The following PYGB variants were observed in gnomAD, a reference collection of about 807,000 sequenced individuals.
PYGB encodes the protein glycogen phosphorylase B, also known as glycogen phosphorylase, brain form.
Under a neutral mutation model 94.3 loss-of-function variants are expected in PYGB, and 82 were observed. That is an observed-to-expected ratio of 0.87 (90% CI 0.73 to 1.04). The LOEUF (loss-of-function observed/expected upper bound fraction) is 1.04. Among genes scored for constraint, PYGB ranks in the 50% least tolerant of loss-of-function variants. The probability of loss-of-function intolerance (pLI) is 0.00; values close to 1 mark genes in which losing one functional copy is unlikely to be tolerated. For synonymous variants in PYGB, 488 were observed against 479.1 expected (o/e 1.02, Z -0.24); for missense variants, 1,132 against 1,158.2 (o/e 0.98, Z 0.33).
chr20:25,268,641 A>G (rs1263156403), intron 2 of PYGB, among the ~76,000 whole-genome samples: 1 of 152,210 alleles, frequency 6.6e-6, no homozygotes, highest in Admixed American at 6.5e-5. Context: ...TTAATGGAAT[A>G]TTTATCCATA....
rs2088396828 is a variant in PYGB, at chr20:25,284,218, C to T, written c.1735C>T (p.Leu579Phe). The change falls in exon 14 of 20, where the codon CTC becomes TTC. Residue 579 changes from leucine (L) to phenylalanine (F), a missense_variant. By Grantham distance (22) the Leu-to-Phe change is conservative (BLOSUM62 0). Transcript: ENST00000216962. ...KRIHEYKRQL[L>F]NCLHVVTLYN... The stretch of plus-strand genomic sequence containing the variant: ...GATCCACGAGTACAAGCGGCAGCTG[C>T]TCAACTGCCTGCACGTCGTCACCCT... 1.2e-6 allele frequency: 2 copies of T among 1,613,992 alleles called. No homozygotes were observed. Among genetic ancestry groups the T allele is most frequent in the African/African-American group, 1.3e-5 (1 of 74,938 alleles).
chr20:25,261,247 C>T (rs2092912818), intron 2 of PYGB, among the ~76,000 whole-genome samples: 1 of 152,232 alleles, frequency 6.6e-6, no homozygotes, highest in Non-Finnish European at 1.5e-5. Context: ...GGCCGACTGA[C>T]ACCTCACACA....
chr20:25,259,300 C>A lies in PYGB; in HGVS notation c.307C>A (p.Leu103Met), dbSNP rs772497104. The A allele has an allele frequency of 2.5e-6, 4 of 1,612,738 alleles. No homozygotes were observed. The highest frequency in any genetic ancestry group is 3.4e-6 in the Non-Finnish European group (4 of 1,178,680). ...GRTLQNTMVNLGLQNACDEAI... is the reference protein window; with the variant it reads ...GRTLQNTMVNMGLQNACDEAI... ...CACGCTGCAGAACACGATGGTGAACCTGGGCCTTCAGAATGCCTGCGATGA... is the reference window on the plus strand; with the variant it reads ...CACGCTGCAGAACACGATGGTGAACATGGGCCTTCAGAATGCCTGCGATGA... Residue 103 changes from leucine to methionine, a missense_variant, in exon 2 of 20, where the codon CTG becomes ATG. Leu to Met is a conservative substitution (Grantham distance 15). Coordinates refer to ENST00000216962, the MANE Select transcript of PYGB (RefSeq NM_002862.4).
chr20:25,282,502 A>G (rs1010719064), intron 12 of PYGB, among the ~76,000 whole-genome samples: 11 of 152,238 alleles, frequency 7.2e-5, no homozygotes, highest in African/African-American at 2.7e-4. Context: ...AAGCTCCCTG[A>G]GGAAATGAGT....
At chr20:25,282,243 G>A in intron 12 of PYGB, 96 bp downstream of exon 12, 1 of 1,017,276 alleles carries the variant, frequency 9.8e-7, no homozygotes, top group Non-Finnish European at 1.4e-6. Context: ...TGAGTAGGCA[G>A]GAGTCTGTCC....
chr20:25,295,752 A>G (rs1174518838), intron 19 of PYGB, 82 bp downstream of exon 19: 1 of 1,443,222 alleles, frequency 6.9e-7, no homozygotes, highest in Non-Finnish European at 9.7e-7. Flanking sequence ...TTATTTCCCA[A>G]GCTGAGTAGA....
intron 1 of PYGB, among the ~76,000 whole-genome samples, chr20:25,257,371 C>T (rs1198571070): frequency 1.3e-5 from 2 of 152,240 alleles, no homozygotes; most frequent in Non-Finnish European, 2.9e-5. Flanking sequence ...ATTGGAGACG[C>T]ACAGGCTTCG....
In PYGB at chr20:25,259,244, A is replaced by G; in HGVS notation, c.251A>G (p.Tyr84Cys). Residue 84 changes from tyrosine to cysteine, a missense_variant, in exon 2 of 20, where the codon TAT (tyrosine) becomes TGT (cysteine). Physicochemically the swap from Tyr to Cys is radical, Grantham distance 194 (BLOSUM62 -2). Coordinates refer to ENST00000216962, the MANE Select transcript of PYGB (RefSeq NM_002862.4). Reference protein sequence around the residue: ...HYYERDPKRIYYLSLEFYMGR... With the variant: ...HYYERDPKRICYLSLEFYMGR... ...TTTCTTCTGCTTCCTCAGCGCATTT[A>G]TTATCTTTCCCTGGAATTCTACATG... 1 of 1,597,898 alleles carries G rather than the reference A, an allele frequency of 6.3e-7. No homozygotes were observed. Among genetic ancestry groups the G allele is most frequent in the South Asian group, 1.1e-5 (1 of 90,702 alleles).
intron 16 of PYGB, among the ~76,000 whole-genome samples, chr20:25,291,352 T>G (rs1191543211): frequency 6.6e-6 from 1 of 152,090 alleles, no homozygotes; most frequent in Non-Finnish European, 1.5e-5. Context: ...GAGCCTGGCC[T>G]TCTCGTGCTC....
chr20:25,264,874 G>A (rs565305358), intron 2 of PYGB, among the ~76,000 whole-genome samples: 11 of 152,234 alleles, frequency 7.2e-5, no homozygotes, highest in East Asian at 1.9e-4. Flanking sequence ...TAGATTCAAC[G>A]CCATCCCCAT....
At position 25,274,607 on chromosome 20, in the gene PYGB, G is replaced by A; in HGVS notation, c.544G>A (p.Asp182Asn). The change falls in exon 5 of 20, where the codon GAC becomes AAC. Residue 182 changes from aspartate (D) to asparagine (N), a missense_variant. Coordinates refer to ENST00000216962, the MANE Select transcript of PYGB (RefSeq NM_002862.4). ...VNGWQVEEAD[D>N]WLRYGNPWEK... is the part of the protein sequence containing the mutation. ...TTCTTTCCAGGTAGAGGAGGCCGAT[G>A]ACTGGCTGCGCTACGGCAACCCCTG... 6.2e-7 allele frequency: 1 copy of A among 1,613,586 alleles called. No individual in the cohort carries two copies. Among genetic ancestry groups the A allele is most frequent in the South Asian group, 1.1e-5 (1 of 91,072 alleles).
chr20:25,286,542 C>T (rs140160239), intron 14 of PYGB, among the ~76,000 whole-genome samples: 5 of 152,286 alleles, frequency 3.3e-5, no homozygotes, highest in South Asian at 2.1e-4. Context: ...TCCATTGCTA[C>T]GTTGGTGTGA....
intron 19 of PYGB, among the ~76,000 whole-genome samples, chr20:25,296,087 G>T (rs1158870727): frequency 1.3e-5 from 2 of 152,164 alleles, no homozygotes. Flanking sequence ...TTCTTACCTG[G>T]TGCTATCCCT....
chr20:25,294,311 G>T lies in PYGB; in HGVS notation c.2312+19G>T, dbSNP rs1048243383. 1.1e-6 allele frequency: 1 copy of T among 927,556 alleles called. No individual in the cohort carries two copies. Among genetic ancestry groups the T allele is most frequent in the East Asian group, 4.6e-5 (1 of 21,812 alleles). The allele number at this position is 927,556 out of a possible 1,614,324, so 57.5% of individuals were successfully genotyped here. Reference sequence around the variant, plus strand: ...ATGACAGGTGGGACCGACTTCCCTGGTTGGGTGGCTGGGAGGGAGGGAGGG... The same window carrying T: ...ATGACAGGTGGGACCGACTTCCCTGTTTGGGTGGCTGGGAGGGAGGGAGGG... On this transcript the variant is annotated intron_variant, in intron 18 of 19. Coordinates refer to ENST00000216962, the MANE Select transcript of PYGB (RefSeq NM_002862.4).
At chr20:25,254,347 T>TTTA (rs200398540) in intron 1 of PYGB, among the ~76,000 whole-genome samples, 6 of 152,052 alleles carry the variant, frequency 3.9e-5, no homozygotes, top group African/African-American at 9.7e-5. Context: ...GATTATATCT[T>TTTA]TTATTATTAT....
At chr20:25,257,932 A>G (rs937507205) in intron 1 of PYGB, among the ~76,000 whole-genome samples, 3 of 152,192 alleles carry the variant, frequency 2.0e-5, no homozygotes, top group African/African-American at 7.2e-5. Flanking sequence ...AGTGTAAATA[A>G]AATCCAGCAT....
rs780653811 is a variant in PYGB at position 25,284,257 on chromosome 20, T to A, written c.1768+6T>A. 2 of 1,612,304 alleles carry A rather than the reference T, an allele frequency of 1.2e-6. No individual in the cohort carries two copies. The highest frequency in any genetic ancestry group is 2.2e-5 in the South Asian group (2 of 90,848). On this transcript the variant is annotated splice_donor_region_variant and intron_variant, in intron 14 of 19. Coordinates refer to ENST00000216962, the MANE Select transcript of PYGB (RefSeq NM_002862.4). ...CGTCGTCACCCTGTACAATCGTGAG[T>A]GCCGGCATCACCTGCATGACCGCGC...
At chr20:25,292,031 C>T (rs958847615) in intron 16 of PYGB, among the ~76,000 whole-genome samples, 21 of 152,148 alleles carry the variant, frequency 1.4e-4, no homozygotes, top group Admixed American at 7.9e-4. Context: ...TCCAGGGAGC[C>T]GCTGGGGCTG....
At position 25,296,890 on chromosome 20, in the gene PYGB, A is replaced by T. The variant is rs1225098643; in HGVS notation, c.*368A>T. 1 of 196,628 alleles carries T rather than the reference A, an allele frequency of 5.1e-6. No individual in the cohort carries two copies. Among genetic ancestry groups the T allele is most frequent in the Non-Finnish European group, 1.0e-5 (1 of 95,918 alleles). The allele number at this position is 196,628 out of a possible 1,614,324, so 12.2% of individuals were successfully genotyped here. A position where few individuals can be genotyped will look rare whatever the true frequency, so the allele number is the denominator to read the frequency against. ...GATGTCTTTAGTGTTGAGCCTCTGG[A>T]TTCTGGGGTCTGGGCCAGTGGCCAT... On this transcript the variant is annotated 3_prime_UTR_variant, in exon 20 of 20. Coordinates refer to ENST00000216962, the MANE Select transcript of PYGB (RefSeq NM_002862.4).
Sources: allele counts gnomAD v4.1 joint callset (sites outside exome capture counted in the v4.1 genomes callset), GRCh38; gene constraint gnomAD v4.1.1; transcripts MANE v1.5; gene names NCBI Gene and HGNC (gene_info 2026-07-23, HGNC 2026-07-21).